The following ARHGAP10 variants were observed in gnomAD, a reference collection of about 807,000 sequenced individuals.
ARHGAP10 encodes rho GTPase-activating protein 10.
In ARHGAP10, 87 loss-of-function variants were observed where a neutral mutation model predicts 108.6. That is an observed-to-expected ratio of 0.80 (90% CI 0.67 to 0.96). ARHGAP10 has a LOEUF of 0.96. Among genes scored for constraint, ARHGAP10 ranks in the 40% least tolerant of loss-of-function variants. The pLI, the probability that ARHGAP10 is intolerant of heterozygous loss-of-function variation, is 0.00. For missense variants in ARHGAP10, 939 were observed against 954.5 expected (o/e 0.98, Z 0.21); for synonymous variants, 347 against 341.1 (o/e 1.02, Z -0.19).
In ARHGAP10 at chr4:148,026,800, T is replaced by C. The variant is rs545013206; in HGVS notation, c.1867+3387T>C. Among the ~76,000 whole-genome samples the C allele has an allele frequency of 2.4e-4, 36 of 152,218 alleles. 1 individual carries two copies. Among genetic ancestry groups the C allele is most frequent in the Non-Finnish European group, 4.7e-4 (32 of 68,032 alleles). ...CTAAGTCAGTTATGAAAAAGCAAAATATGACGTAGGCTGCTAAGTGCTGAA... is the reference window on the plus strand; with the variant it reads ...CTAAGTCAGTTATGAAAAAGCAAAACATGACGTAGGCTGCTAAGTGCTGAA... On this transcript the variant is annotated intron_variant, in intron 19 of 22. Transcript: ENST00000336498.
intron 1 of ARHGAP10, among the ~76,000 whole-genome samples, chr4:147,813,139 C>T (rs1172497852): frequency 2.7e-5 from 4 of 148,724 alleles, no homozygotes; most frequent in Admixed American, 6.7e-5. Flanking sequence ...CCTTTAGGAG[C>T]CTTTTTTTTT....
intron 3 of ARHGAP10, among the ~76,000 whole-genome samples, chr4:147,846,663 T>C (rs1560787748): frequency 6.6e-6 from 1 of 152,218 alleles, no homozygotes; most frequent in Non-Finnish European, 1.5e-5. Context: ...ACTTTGCTAA[T>C]ATACCTTAAA....
intron 18 of ARHGAP10, among the ~76,000 whole-genome samples, chr4:148,001,179 C>T (rs1277819788): frequency 2.0e-5 from 3 of 152,204 alleles, no homozygotes; most frequent in Non-Finnish European, 2.9e-5. Context: ...GGAATCCTTT[C>T]CCCATTTCCT....
intron 1 of ARHGAP10, among the ~76,000 whole-genome samples, chr4:147,734,565 C>T (rs1316828741): frequency 6.6e-6 from 1 of 152,172 alleles, no homozygotes. Flanking sequence ...ATAAAGTTTA[C>T]TTCTAGTTCC....
chr4:147,928,018 G>A (rs529776330), intron 13 of ARHGAP10, among the ~76,000 whole-genome samples: 2 of 152,308 alleles, frequency 1.3e-5, no homozygotes, highest in East Asian at 3.9e-4. Context: ...TAGGGCATCT[G>A]GTCTGAAGCT....
intron 13 of ARHGAP10, among the ~76,000 whole-genome samples, chr4:147,917,777 A>C (rs1353343230): frequency 1.3e-5 from 2 of 152,232 alleles, no homozygotes; most frequent in Non-Finnish European, 2.9e-5. Flanking sequence ...AGCTAATTTC[A>C]TGTAGTTTTT....
intron 18 of ARHGAP10, among the ~76,000 whole-genome samples, chr4:148,002,391 C>T (rs1038603265): frequency 6.6e-6 from 1 of 152,158 alleles, no homozygotes; most frequent in Non-Finnish European, 1.5e-5. Flanking sequence ...TGTTGTCTCT[C>T]TGCCAGGCTT....
At chr4:148,034,667 A>G (rs1728296348) in intron 19 of ARHGAP10, among the ~76,000 whole-genome samples, 1 of 151,998 alleles carries the variant, frequency 6.6e-6, no homozygotes, top group Non-Finnish European at 1.5e-5. Context: ...TTCTTCTTAG[A>G]TGAGAGGAAT....
intron 18 of ARHGAP10, among the ~76,000 whole-genome samples, chr4:147,971,030 T>C (rs1441848464): frequency 6.7e-6 from 1 of 149,008 alleles, no homozygotes; most frequent in South Asian, 2.1e-4. Context: ...GAGGTGGAGG[T>C]TGCAGTGAGC....
intron 10 of ARHGAP10, among the ~76,000 whole-genome samples, chr4:147,902,602 G>A (rs373817908): frequency 2.6e-5 from 4 of 152,080 alleles, no homozygotes; most frequent in Non-Finnish European, 4.4e-5. Flanking sequence ...TTAGCTGGGT[G>A]TAGTGGCTGT....
intron 14 of ARHGAP10, among the ~76,000 whole-genome samples, chr4:147,941,838 A>G (rs971702015): frequency 3.3e-5 from 5 of 152,132 alleles, no homozygotes; most frequent in Non-Finnish European, 7.4e-5. Flanking sequence ...TTTATTTGCT[A>G]TTTCCTAATC....
intron 1 of ARHGAP10, among the ~76,000 whole-genome samples, chr4:147,818,136 G>C (rs982628354): frequency 1.3e-5 from 2 of 151,368 alleles, no homozygotes; most frequent in Non-Finnish European, 2.9e-5. Flanking sequence ...AACTATCTCT[G>C]AACCTATTTT....
At chr4:147,853,959 TC>T (rs1319650214) in intron 4 of ARHGAP10, among the ~76,000 whole-genome samples, 1 of 152,178 alleles carries the variant, frequency 6.6e-6, no homozygotes, top group Non-Finnish European at 1.5e-5. Context: ...AATCGTCTCT[TC>T]CTTTTTTTAA....
chr4:148,054,602 C>A (rs1729283096), intron 20 of ARHGAP10, among the ~76,000 whole-genome samples: 1 of 152,172 alleles, frequency 6.6e-6, no homozygotes, highest in African/African-American at 2.4e-5. Flanking sequence ...AGATGTTGAC[C>A]TGAAGTTGTG....
intron 10 of ARHGAP10, among the ~76,000 whole-genome samples, chr4:147,894,360 G>C (rs1203530621): frequency 6.6e-6 from 1 of 152,110 alleles, no homozygotes; most frequent in Non-Finnish European, 1.5e-5. Context: ...TGTTTCTTCT[G>C]TCATGAAGTG....
chr4:148,008,592 G>T (rs775253138), intron 18 of ARHGAP10, among the ~76,000 whole-genome samples: 4 of 151,874 alleles, frequency 2.6e-5, no homozygotes, highest in Non-Finnish European at 5.9e-5. Flanking sequence ...AATGCTAATA[G>T]TGCTGAGATT....
chr4:148,038,909 GT>G (rs67176657), intron 19 of ARHGAP10, among the ~76,000 whole-genome samples: 1,996 of 147,292 alleles, frequency 0.014, 46 homozygotes, highest in African/African-American at 0.049. Context: ...TAAAATGACA[GT>G]TTTTTTTGTT....
intron 15 of ARHGAP10, among the ~76,000 whole-genome samples, chr4:147,950,414 C>T (rs925844819): frequency 5.3e-5 from 8 of 152,174 alleles, no homozygotes; most frequent in African/African-American, 1.9e-4. Context: ...GGTCTGGAGC[C>T]AGCCTGCCTG....
intron 1 of ARHGAP10, among the ~76,000 whole-genome samples, chr4:147,793,294 T>A (rs984527122): frequency 2.7e-5 from 4 of 148,186 alleles, no homozygotes; most frequent in Admixed American, 1.4e-4. Context: ...TGGGGTAAAA[T>A]ATAACACACA....
Sources: gnomAD v4.1 joint callset for allele counts (sites outside exome capture counted in the v4.1 genomes callset) on GRCh38, gnomAD v4.1.1 for gene constraint, MANE v1.5 for transcripts, NCBI Gene and HGNC (gene_info 2026-07-23, HGNC 2026-07-21) for gene names.